Variants in PCDH11X observed in about 807,000 individuals in gnomAD.
PCDH11X encodes the protein protocadherin-11 X-linked.
A neutral mutation model predicts 53.3 loss-of-function variants in PCDH11X; 18 were observed. That is an observed-to-expected ratio of 0.34 (90% confidence interval 0.23 to 0.50). PCDH11X has a LOEUF of 0.50. PCDH11X is among the 20% of genes least tolerant of loss of function. The pLI is 0.98. For missense variants in PCDH11X, 570 were observed against 1,032.4 expected (o/e 0.55, Z 6.14); for synonymous variants, 279 against 393.3 (o/e 0.71, Z 3.44).
chrX:92,203,069 T>C (rs2066419269), intron 7 of PCDH11X, among the ~76,000 whole-genome samples: 1 of 111,852 alleles, frequency 8.9e-6, no homozygotes, highest in East Asian at 2.8e-4. Context: ...ACATTAATAT[T>C]TGGTATTCTA....
chrX:91,969,321 C>A (rs1223082089), intron 6 of PCDH11X, among the ~76,000 whole-genome samples: 1 of 110,613 alleles, frequency 9.0e-6, no homozygotes, highest in African/African-American at 3.3e-5. Context: ...TTTCTTGTAC[C>A]AATTTACACT....
chrX:92,263,009 T>A, intron 7 of PCDH11X, 105 bp from the exon 8 acceptor site: 2 of 1,049,054 alleles, frequency 1.9e-6, no homozygotes, highest in Non-Finnish European at 2.5e-6. Flanking sequence ...CATGCTTTTT[T>A]TTCAAAAAAA....
intron 4 of PCDH11X, among the ~76,000 whole-genome samples, chrX:91,829,466 A>T (rs1937039159): frequency 9.2e-6 from 1 of 109,186 alleles, no homozygotes; most frequent in Non-Finnish European, 1.9e-5. Flanking sequence ...ATATATGAAG[A>T]AACCACATTT....
intron 6 of PCDH11X, among the ~76,000 whole-genome samples, chrX:92,138,329 C>CT (rs1435385142): frequency 5.5e-5 from 6 of 110,086 alleles, no homozygotes; most frequent in East Asian, 2.9e-4. Context: ...TCTATAAAGG[C>CT]TTTTTTTAAT....
chrX:92,147,843 C>CTTTCTT (rs1556066304), intron 6 of PCDH11X, among the ~76,000 whole-genome samples: 4 of 97,573 alleles, frequency 4.1e-5, no homozygotes, highest in Non-Finnish European at 8.1e-5. Context: ...TTCTTTCTTT[C>CTTTCTT]TTTCTTTCTT....
At chrX:91,940,634 G>T (rs770551736) in intron 6 of PCDH11X, among the ~76,000 whole-genome samples, 1 of 109,416 alleles carries the variant, frequency 9.1e-6, no homozygotes, top group South Asian at 4.0e-4. Flanking sequence ...GAGATCAAAT[G>T]ATCTCCTGGC....
chrX:91,830,023 T>C (rs989424754), intron 4 of PCDH11X, among the ~76,000 whole-genome samples: 5 of 111,105 alleles, frequency 4.5e-5, no homozygotes, highest in Admixed American at 1.9e-4. Flanking sequence ...ACAAACGTTA[T>C]ATTTTTGCCA....
chrX:91,942,060 T>G (rs956221990), intron 6 of PCDH11X, among the ~76,000 whole-genome samples: 1 of 110,101 alleles, frequency 9.1e-6, no homozygotes, highest in Non-Finnish European at 1.9e-5. Flanking sequence ...AAATTTATAG[T>G]GCTTTTATTA....
At position 92,487,048 on chromosome X, in the gene PCDH11X, C is replaced by CTTTT. The variant is rs758641899; in HGVS notation, c.3367+18745_3367+18748dup. On this transcript the variant is annotated intron_variant, in intron 10 of 10. Transcript: ENST00000682573. The stretch of plus-strand genomic sequence containing the variant: ...TTATTATCTCTGAGAAATATGCTTC[C>CTTTT]TTTTTTTTTTTTTTTTTTTTTTGAG... Among the ~76,000 whole-genome samples the CTTTT allele has an allele frequency of 1.9e-3, 127 of 67,805 alleles. 7 individuals are homozygous for CTTTT. Among genetic ancestry groups the CTTTT allele is most frequent in the East Asian group, 4.7e-3 (8 of 1,718 alleles). The allele number at this position is 67,805 out of a possible 115,157, so 58.9% of individuals were successfully genotyped here.
intron 6 of PCDH11X, among the ~76,000 whole-genome samples, chrX:92,098,527 G>T: frequency 9.0e-6 from 1 of 110,568 alleles, no homozygotes; most frequent in African/African-American, 3.3e-5. Flanking sequence ...TAGGACACTA[G>T]CTAAAATCTC....
intron 10 of PCDH11X, among the ~76,000 whole-genome samples, chrX:92,501,488 T>C (rs1270301917): frequency 9.0e-6 from 1 of 111,369 alleles, no homozygotes; most frequent in Non-Finnish European, 1.9e-5. Flanking sequence ...AGTAAAATAT[T>C]GGCAAACCAA....
chrX:92,354,716 G>A (rs1027010137), intron 8 of PCDH11X, among the ~76,000 whole-genome samples: 3 of 111,346 alleles, frequency 2.7e-5, no homozygotes, highest in African/African-American at 9.8e-5. Context: ...ACTAAGGCAA[G>A]TGTTAGTTAA....
intron 6 of PCDH11X, among the ~76,000 whole-genome samples, chrX:91,932,679 T>A (rs1349502303): frequency 9.6e-6 from 1 of 104,103 alleles, no homozygotes; most frequent in Non-Finnish European, 2.0e-5. Flanking sequence ...TGAGTGTGTG[T>A]GTGTGTGTGT....
At position 91,877,918 on chromosome X, in the gene PCDH11X, A is replaced by G. The variant is rs369954010; in HGVS notation, c.1678A>G (p.Ile560Val). The G allele has an allele frequency of 4.1e-6, 5 of 1,210,227 alleles. No individual in the cohort carries two copies. The African/African-American group carries it at 5.2e-5, about 13-fold the overall frequency. ...LTSNVTVFVS[I>V]IDQNDNSPVF... ...CAGCAATGTCACAGTCTTTGTAAGC[A>G]TTATTGATCAGAATGACAATAGCCC... The change falls in exon 6 of 11, where the codon ATT becomes GTT. Residue 560 changes from isoleucine to valine, a missense_variant. Ile to Val is a conservative substitution (Grantham distance 29). Transcript: ENST00000682573.
At chrX:92,273,675 G>A in intron 8 of PCDH11X, among the ~76,000 whole-genome samples, 2 of 111,033 alleles carry the variant, frequency 1.8e-5, no homozygotes, top group South Asian at 7.7e-4. Context: ...AGATTAAGCT[G>A]AAGGAAGATT....
Position 92,461,999 on chromosome X carries a change from G to A in PCDH11X, c.3344-6300G>A, listed in dbSNP as rs187178558. On this transcript the variant is annotated intron_variant, in intron 9 of 10. Transcript: ENST00000682573. ...TGTCCATTTACTTATGCAATATAGAGACTTTAATTACCTACTGTTTTCTTT... is the reference window on the plus strand; with the variant it reads ...TGTCCATTTACTTATGCAATATAGAAACTTTAATTACCTACTGTTTTCTTT... Among the ~76,000 whole-genome samples, 42 of 112,307 alleles carry A rather than the reference G, an allele frequency of 3.7e-4. 1 individual carries two copies. The highest frequency in any genetic ancestry group is 1.9e-5 in the Non-Finnish European group (1 of 53,176).
intron 9 of PCDH11X, among the ~76,000 whole-genome samples, chrX:92,443,105 G>T (rs1299168888): frequency 9.4e-6 from 1 of 106,698 alleles, no homozygotes; most frequent in Non-Finnish European, 1.9e-5. Context: ...CATAATAGTT[G>T]CTCTGACTGT....
At chrX:92,216,110 T>C (rs372060434) in intron 7 of PCDH11X, among the ~76,000 whole-genome samples, 11 of 100,153 alleles carry the variant, frequency 1.1e-4, no homozygotes, top group Admixed American at 3.2e-4. Flanking sequence ...GGGGAAAAAA[T>C]AGAGCAGAAA....
At chrX:92,199,955 T>G (rs2066361590) in intron 6 of PCDH11X, among the ~76,000 whole-genome samples, 1 of 110,945 alleles carries the variant, frequency 9.0e-6, no homozygotes, top group Non-Finnish European at 1.9e-5. Context: ...TGCTCACAGT[T>G]GACAGAGAAT....
Sources: allele counts gnomAD v4.1 joint callset (sites outside exome capture counted in the v4.1 genomes callset), GRCh38; gene constraint gnomAD v4.1.1; transcripts MANE v1.5; gene names NCBI Gene and HGNC (gene_info 2026-07-23, HGNC 2026-07-21).